ZNF704: variants seen among roughly 807,000 people sequenced by gnomAD.
The protein encoded by ZNF704 is zinc finger protein 704.
A neutral mutation model predicts 44.7 loss-of-function variants in ZNF704; 10 were observed. The observed-to-expected ratio is 0.22, with a 90% confidence interval of 0.14 to 0.38. ZNF704 has a LOEUF of 0.38. Ranked by LOEUF, ZNF704 falls within the 10% of genes least tolerant of loss-of-function variation. The pLI is 1.00. For missense variants in ZNF704, 390 were observed against 545.5 expected (o/e 0.71, Z 2.84); for synonymous variants, 211 against 207.6 (o/e 1.02, Z -0.14).
chr8:80,709,187 G>A (rs996233890), intron 2 of ZNF704, among the ~76,000 whole-genome samples: 1 of 152,042 alleles, frequency 6.6e-6, no homozygotes, highest in African/African-American at 2.4e-5. Flanking sequence ...GCTCACGCCT[G>A]TAATCCCAGC....
intron 2 of ZNF704, among the ~76,000 whole-genome samples, chr8:80,819,686 A>T (rs1160399302): frequency 2.6e-5 from 4 of 152,164 alleles, no homozygotes; most frequent in Non-Finnish European, 5.9e-5. Flanking sequence ...CAACCATGCC[A>T]CAGTAGAAGG....
At chr8:80,750,270 G>A (rs1012675856) in intron 2 of ZNF704, among the ~76,000 whole-genome samples, 1 of 151,632 alleles carries the variant, frequency 6.6e-6, no homozygotes, top group African/African-American at 2.4e-5. Context: ...CGGAGGGGTG[G>A]GATCTCCTCA....
chr8:80,845,529 G>C (rs1233392906), intron 1 of ZNF704, among the ~76,000 whole-genome samples: 1 of 152,160 alleles, frequency 6.6e-6, no homozygotes, highest in East Asian at 1.9e-4. Flanking sequence ...GTAAATTTCT[G>C]CAATTGTTGA....
intron 1 of ZNF704, among the ~76,000 whole-genome samples, chr8:80,856,824 AG>A (rs1248299093): frequency 3.3e-5 from 5 of 152,180 alleles, no homozygotes; most frequent in Non-Finnish European, 7.3e-5. Flanking sequence ...AAAATTGTTT[AG>A]ATTATTGTAG....
chr8:80,814,617 G>C (rs1808145346), intron 2 of ZNF704, among the ~76,000 whole-genome samples: 2 of 152,278 alleles, frequency 1.3e-5, no homozygotes, highest in South Asian at 4.1e-4. Flanking sequence ...CAATTATACA[G>C]TACCAGTATT....
intron 2 of ZNF704, among the ~76,000 whole-genome samples, chr8:80,810,320 GGAGA>G (rs940040310): frequency 6.6e-5 from 10 of 152,238 alleles, no homozygotes; most frequent in East Asian, 5.8e-4. Flanking sequence ...TCTATTTATA[GGAGA>G]GAGAAAAAAG....
intron 1 of ZNF704, among the ~76,000 whole-genome samples, chr8:80,836,811 CA>C (rs148912348): frequency 0.055 from 8,351 of 152,186 alleles, 280 homozygotes; most frequent in Non-Finnish European, 0.076. Context: ...CTAAACTAAA[CA>C]GAATTATCTT....
At chr8:80,837,575 T>G (rs1029057243) in intron 1 of ZNF704, among the ~76,000 whole-genome samples, 2 of 145,318 alleles carry the variant, frequency 1.4e-5, no homozygotes, top group African/African-American at 5.5e-5. Flanking sequence ...TCCCCAGGTA[T>G]GCCCGAAACA....
At chr8:80,763,926 A>C (rs1394356372) in intron 2 of ZNF704, among the ~76,000 whole-genome samples, 3 of 152,216 alleles carry the variant, frequency 2.0e-5, no homozygotes, top group Admixed American at 6.5e-5. Context: ...AAGCACAGCA[A>C]GAGTGACCTT....
upstream of ZNF704, among the ~76,000 whole-genome samples, chr8:80,878,192 G>A (rs1809380430): frequency 6.6e-6 from 1 of 151,086 alleles, no homozygotes; most frequent in African/African-American, 2.4e-5. Context: ...AAACCTTTGA[G>A]TTCTGAGCCC....
intron 1 of ZNF704, among the ~76,000 whole-genome samples, chr8:80,844,286 T>C (rs1808731107): frequency 6.6e-6 from 1 of 152,166 alleles, no homozygotes; most frequent in African/African-American, 2.4e-5. Flanking sequence ...GGCTGGGAAG[T>C]ACAAGATCAA....
intron 2 of ZNF704, among the ~76,000 whole-genome samples, chr8:80,733,847 C>T (rs1806622185): frequency 6.6e-6 from 1 of 152,164 alleles, no homozygotes; most frequent in Non-Finnish European, 1.5e-5. Flanking sequence ...TTTTGTCCAG[C>T]TTTTATTGTT....
At chr8:80,794,700 G>C (rs921646922) in intron 2 of ZNF704, among the ~76,000 whole-genome samples, 1 of 152,166 alleles carries the variant, frequency 6.6e-6, no homozygotes, top group Admixed American at 6.5e-5. Context: ...TACAGATTTT[G>C]TTTCTGTTTG....
intron 2 of ZNF704, among the ~76,000 whole-genome samples, chr8:80,771,488 C>T (rs954810919): frequency 6.6e-6 from 1 of 151,822 alleles, no homozygotes; most frequent in Non-Finnish European, 1.5e-5. Flanking sequence ...TTTTAAATTC[C>T]AGTTGTCATG....
In ZNF704 at chr8:80,638,625, G is replaced by A. The variant is rs1817696743; in HGVS notation, c.*2741C>T. On this transcript the variant is annotated 3_prime_UTR_variant, in exon 9 of 9. Coordinates refer to ENST00000327835, the MANE Select transcript of ZNF704 (RefSeq NM_001033723.3). ...AACCCTAACTTGCACGATCAGTGGT[G>A]TATATTGGAATTCATAGCTTTCTGG... 1 of 152,394 alleles carries A rather than the reference G, an allele frequency of 6.6e-6. No individual in the cohort carries two copies. Among genetic ancestry groups the A allele is most frequent in the African/African-American group, 2.4e-5 (1 of 41,432 alleles). 9.4% of individuals were successfully genotyped at this position (152,394 alleles called of 1,614,324 possible).
At chr8:80,649,821 C>T (rs779286213) in intron 7 of ZNF704, among the ~76,000 whole-genome samples, 3 of 152,230 alleles carry the variant, frequency 2.0e-5, no homozygotes, top group Admixed American at 6.5e-5. Flanking sequence ...AGCAGTGATT[C>T]TCCCAGCACG....
rs1817595150 is a variant in ZNF704 at position 80,632,014 on chromosome 8, A to T, written c.*9352T>A. The T allele has an allele frequency of 2.0e-5, 3 of 152,212 alleles. No homozygotes were observed. The South Asian group carries it at 6.2e-4, about 32-fold the overall frequency. The allele number at this position is 152,212 out of a possible 1,614,324, so 9.4% of individuals were successfully genotyped here. On this transcript the variant is annotated 3_prime_UTR_variant, in exon 9 of 9. Coordinates refer to ENST00000327835, the MANE Select transcript of ZNF704 (RefSeq NM_001033723.3). ...GGGGAGGGTAATCTTTCAATGGCAA[A>T]TTCACTGGGGCTTGCCAAGATGGGG...
chr8:80,877,868 TAAAAG>T (rs1375109754), upstream of ZNF704, among the ~76,000 whole-genome samples: 1 of 151,964 alleles, frequency 6.6e-6, no homozygotes, highest in Non-Finnish European at 1.5e-5. Context: ...AAGGGAAAAA[TAAAAG>T]GAGGGGTAGA....
At chr8:80,868,860 A>G (rs1809201583) in intron 1 of ZNF704, among the ~76,000 whole-genome samples, 1 of 151,932 alleles carries the variant, frequency 6.6e-6, no homozygotes, top group South Asian at 2.1e-4. Context: ...ATCATCATAC[A>G]CTTGCCAACT....
Sources: allele counts gnomAD v4.1 joint callset (sites outside exome capture counted in the v4.1 genomes callset), GRCh38; gene constraint gnomAD v4.1.1; transcripts MANE v1.5; gene names NCBI Gene and HGNC (gene_info 2026-07-23, HGNC 2026-07-21).